Variants in DLG2 observed in about 807,000 individuals in gnomAD.
The protein encoded by DLG2 is discs large MAGUK scaffold protein 2, also known as disks large homolog 2.
DLG2 carries 45 observed loss-of-function variants against 132.5 expected under a neutral mutation model. The observed-to-expected ratio is 0.34, with a 90% CI of 0.27 to 0.44. The LOEUF is 0.44. DLG2 is among the 20% of genes least tolerant of loss of function. DLG2 has a pLI of 1.00. For missense variants in DLG2, 1,045 were observed against 1,196.9 expected (o/e 0.87, Z 1.87); for synonymous variants, 424 against 419.6 (o/e 1.01, Z -0.13).
chr11:84,392,924 A>G (rs184040395), intron 7 of DLG2, among the ~76,000 whole-genome samples: 61 of 152,326 alleles, frequency 4.0e-4, no homozygotes, highest in Middle Eastern at 3.4e-3. Flanking sequence ...AATATAGTTG[A>G]AAATATATAA....
At chr11:84,755,210 T>G (rs1209101099) in intron 6 of DLG2, among the ~76,000 whole-genome samples, 1 of 152,204 alleles carries the variant, frequency 6.6e-6, no homozygotes, top group Non-Finnish European at 1.5e-5. Flanking sequence ...AAATTTATTT[T>G]GAGTCAGAGA....
At chr11:84,859,911 T>C (rs2083386711) in intron 6 of DLG2, among the ~76,000 whole-genome samples, 1 of 152,124 alleles carries the variant, frequency 6.6e-6, no homozygotes, top group Admixed American at 6.6e-5. Context: ...AAGTTAAAAG[T>C]CACCTCCTCT....
intron 6 of DLG2, among the ~76,000 whole-genome samples, chr11:84,926,775 AT>A (rs1414825954): frequency 6.6e-6 from 1 of 152,054 alleles, no homozygotes; most frequent in African/African-American, 2.4e-5. Context: ...GAAGAAGGAA[AT>A]ACTAGAAACT....
intron 3 of DLG2, among the ~76,000 whole-genome samples, chr11:85,519,538 T>A (rs2074109154): frequency 6.6e-6 from 1 of 152,310 alleles, no homozygotes; most frequent in South Asian, 2.1e-4. Flanking sequence ...ACTAGCTTGC[T>A]TTTGATTTTA....
chr11:83,499,837 C>A (rs2094352627), intron 21 of DLG2, among the ~76,000 whole-genome samples: 1 of 115,280 alleles, frequency 8.7e-6, no homozygotes, highest in African/African-American at 3.1e-5. Context: ...ATATATATTT[C>A]CTCCACTAAT....
intron 11 of DLG2, among the ~76,000 whole-genome samples, chr11:84,018,842 T>G (rs564388990): frequency 6.7e-6 from 1 of 150,346 alleles, no homozygotes; most frequent in Non-Finnish European, 1.5e-5. Context: ...AAAAGACAAA[T>G]TAAGCTAAAA....
At chr11:84,236,954 A>T (rs2097166328) in intron 8 of DLG2, among the ~76,000 whole-genome samples, 1 of 138,734 alleles carries the variant, frequency 7.2e-6, no homozygotes, top group Admixed American at 7.5e-5. Flanking sequence ...TTTGAGATGG[A>T]GTCTCACTCT....
intron 9 of DLG2, among the ~76,000 whole-genome samples, chr11:84,153,983 G>C (rs545550216): frequency 3.9e-5 from 6 of 152,086 alleles, no homozygotes; most frequent in Non-Finnish European, 7.4e-5. Context: ...GCTATCACTT[G>C]GACAGGCTTT....
chr11:84,533,196 G>C (rs2154520539), intron 7 of DLG2, among the ~76,000 whole-genome samples: 1 of 152,324 alleles, frequency 6.6e-6, no homozygotes, highest in Non-Finnish European at 1.5e-5. Context: ...GTGTTAAAAT[G>C]TTCCCAAATA....
chr11:83,839,277 G>C (rs1714318756), intron 16 of DLG2, among the ~76,000 whole-genome samples: 1 of 152,022 alleles, frequency 6.6e-6, no homozygotes, highest in Admixed American at 6.6e-5. Context: ...TTATATTATA[G>C]TTAATTATGA....
chr11:84,636,379 T>C (rs1236751439), intron 6 of DLG2, among the ~76,000 whole-genome samples: 2 of 152,188 alleles, frequency 1.3e-5, no homozygotes, highest in Admixed American at 1.3e-4. Context: ...AGACTAGGAT[T>C]CAAATTTTGA....
chr11:83,664,086 G>T (rs142661333), intron 18 of DLG2, among the ~76,000 whole-genome samples: 171 of 152,236 alleles, frequency 1.1e-3, no homozygotes, highest in African/African-American at 3.9e-3. Context: ...TTACTGTAAG[G>T]ATAAGCTATT....
At chr11:84,207,543 G>A (rs1320388919) in intron 8 of DLG2, among the ~76,000 whole-genome samples, 5 of 152,036 alleles carry the variant, frequency 3.3e-5, no homozygotes, top group African/African-American at 1.2e-4. Context: ...AGAGGGGAAA[G>A]AAACATCTTT....
intron 8 of DLG2, among the ~76,000 whole-genome samples, chr11:84,238,042 T>TAA (rs71036414): frequency 6.8e-5 from 5 of 73,068 alleles, no homozygotes; most frequent in Non-Finnish European, 7.8e-5. Flanking sequence ...AGACTCTGCC[T>TAA]AAAAAAAAAA....
chr11:84,960,528 T>G (rs1250684727), intron 6 of DLG2, among the ~76,000 whole-genome samples: 1 of 151,644 alleles, frequency 6.6e-6, no homozygotes, highest in East Asian at 1.9e-4. Context: ...CTCCGCCTCC[T>G]GGGTTCAAGC....
At chr11:85,425,377 G>A (rs766393951) in intron 3 of DLG2, among the ~76,000 whole-genome samples, 13 of 151,650 alleles carry the variant, frequency 8.6e-5, no homozygotes, top group African/African-American at 2.2e-4. Flanking sequence ...AGGTGCTATC[G>A]GTAAAAATAA....
chr11:84,858,207 TTC>T (rs1233340464), intron 6 of DLG2, among the ~76,000 whole-genome samples: 3 of 152,088 alleles, frequency 2.0e-5, no homozygotes, highest in African/African-American at 7.2e-5. Context: ...TAAAAATGTT[TTC>T]TTTTTTTTTA....
At chr11:84,863,702 G>A (rs1024866527) in intron 6 of DLG2, among the ~76,000 whole-genome samples, 1 of 152,094 alleles carries the variant, frequency 6.6e-6, no homozygotes, top group Non-Finnish European at 1.5e-5. Context: ...GAGATAAAAT[G>A]GAAAGATAAA....
At chr11:85,115,103 C>A (rs981767322) in intron 5 of DLG2, among the ~76,000 whole-genome samples, 1 of 151,386 alleles carries the variant, frequency 6.6e-6, no homozygotes, top group Non-Finnish European at 1.5e-5. Flanking sequence ...GGTGGGGGTG[C>A]GGTATTGAGA....
Sources: allele counts gnomAD v4.1 joint callset (sites outside exome capture counted in the v4.1 genomes callset), GRCh38; gene constraint gnomAD v4.1.1; transcripts MANE v1.5; gene names NCBI Gene and HGNC (gene_info 2026-07-23, HGNC 2026-07-21).